The following HHIP variants were observed in gnomAD, a reference collection of about 807,000 sequenced individuals.
HHIP encodes hedgehog interacting protein.
HHIP carries 12 observed loss-of-function variants against 74.0 expected under a neutral mutation model. The observed-to-expected ratio is 0.16, with a 90% CI of 0.10 to 0.26. The LOEUF is 0.26. Among genes scored for constraint, HHIP ranks in the 10% least tolerant of loss-of-function variants. The probability of loss-of-function intolerance (pLI) is 1.00; values close to 1 mark genes in which losing one functional copy is unlikely to be tolerated. For missense variants in HHIP, 788 were observed against 845.0 expected (o/e 0.93, Z 0.84); for synonymous variants, 309 against 311.6 (o/e 0.99, Z 0.09).
In HHIP at chr4:144,737,813, C is replaced by A; in HGVS notation, c.1959C>A (p.Asn653Lys). The A allele has an allele frequency of 6.2e-7, 1 of 1,613,650 alleles. No individual in the cohort carries two copies. Among genetic ancestry groups the A allele is most frequent in the Non-Finnish European group, 8.5e-7 (1 of 1,179,688 alleles). Reference protein sequence around the residue: ...CRHGGVCVRPNKCLCKKGYLG... With the variant: ...CRHGGVCVRPKKCLCKKGYLG... ...ATGGAGGTGTCTGTGTTAGACCGAA[C>A]AAGTGCCTCTGTAAAAAAGGATATC... The change falls in exon 13 of 13, where the codon AAC becomes AAA. Residue 653 changes from asparagine (N) to lysine (K), a missense_variant. By Grantham distance (94) the Asn-to-Lys change is moderately conservative (BLOSUM62 0). Around this residue, in one of 3 missense-constraint regions of HHIP, gnomAD observed 343 missense variants for 347.9 expected, o/e 0.99. Coordinates refer to ENST00000296575, the MANE Select transcript of HHIP (RefSeq NM_022475.3).
At chr4:144,697,705 A>G in intron 4 of HHIP, among the ~76,000 whole-genome samples, 1 of 152,264 alleles carries the variant, frequency 6.6e-6, no homozygotes. Context: ...TAAATTTTAT[A>G]TAAAATAAAT....
At chr4:144,718,520 C>A (rs1402854055) in intron 10 of HHIP, among the ~76,000 whole-genome samples, 1 of 152,160 alleles carries the variant, frequency 6.6e-6, no homozygotes, top group Non-Finnish European at 1.5e-5. Flanking sequence ...TGTGATCCAA[C>A]GTACATGATC....
At chr4:144,708,556 C>T (rs1404342590) in intron 7 of HHIP, among the ~76,000 whole-genome samples, 1 of 152,164 alleles carries the variant, frequency 6.6e-6, no homozygotes, top group Non-Finnish European at 1.5e-5. Flanking sequence ...GAGAAAATTT[C>T]ACCTTAAAAT....
intron 11 of HHIP, among the ~76,000 whole-genome samples, chr4:144,729,360 G>A (rs945622693): frequency 4.6e-5 from 7 of 152,080 alleles, no homozygotes; most frequent in Non-Finnish European, 1.0e-4. Flanking sequence ...TCCTTGTTCA[G>A]GGCAAGGACT....
rs1196764112 is a variant in HHIP, at chr4:144,714,295, G to A, written c.1494G>A (p.Arg498=). The A allele has an allele frequency of 6.2e-7, 1 of 1,613,222 alleles. No individual in the cohort carries two copies. The highest frequency in any genetic ancestry group is 1.3e-5 in the African/African-American group (1 of 74,852). The part of the protein sequence containing the change: ...NGPLVGGFVY[R]GCQSERLYGS... ...CTTTGGTTGGTGGATTTGTATACCG[G>A]GGCTGCCAGTCAGAAAGATTGTATG... Residue 498 remains arginine (R), a synonymous_variant, in exon 9 of 13, where the codon CGG becomes CGA. Coordinates refer to ENST00000296575, the MANE Select transcript of HHIP (RefSeq NM_022475.3).
At chr4:144,719,084 T>C in intron 11 of HHIP, 128 bp downstream of exon 11, 1 of 656,844 alleles carries the variant, frequency 1.5e-6, no homozygotes, top group Admixed American at 2.7e-5. Context: ...CATTTCCATA[T>C]GCTTAGAGCT....
chr4:144,712,012 C>G lies in HHIP; in HGVS notation c.1364C>G (p.Ser455Cys), dbSNP rs775954375. ...NINLTILCSD[S>C]NGKNRSSARI... ...AATTTAACGATACTGTGTTCAGACT[C>G]CAATGGAAAAAACAGATCATCAGCC... The change falls in exon 8 of 13, where the codon TCC (serine) becomes TGC (cysteine). Residue 455 changes from serine to cysteine, a missense_variant. By Grantham distance (112) the Ser-to-Cys change is moderately radical. Transcript: ENST00000296575. 1.2e-6 allele frequency: 2 copies of G among 1,610,828 alleles called. No homozygotes were observed. Among genetic ancestry groups the G allele is most frequent in the Admixed American group, 3.3e-5 (2 of 59,970 alleles).
chr4:144,716,244 A>C (rs1730442010), intron 10 of HHIP, among the ~76,000 whole-genome samples: 1 of 152,168 alleles, frequency 6.6e-6, no homozygotes, highest in African/African-American at 2.4e-5. Flanking sequence ...TTTTCTCTAA[A>C]ACTTCAGATT....
chr4:144,740,892 T>C lies in HHIP; in HGVS notation c.*2935T>C, dbSNP rs1731247181. The C allele has an allele frequency of 6.6e-6, 1 of 152,234 alleles. No individual in the cohort carries two copies. Among genetic ancestry groups the C allele is most frequent in the Admixed American group, 6.5e-5 (1 of 15,286 alleles). 9.4% of individuals were successfully genotyped at this position (152,234 alleles called of 1,614,324 possible). On this transcript the variant is annotated 3_prime_UTR_variant, in exon 13 of 13. Coordinates refer to ENST00000296575, the MANE Select transcript of HHIP (RefSeq NM_022475.3). The stretch of plus-strand genomic sequence containing the variant: ...GTTTAAGCTGCGGTTGTCAGTTGAA[T>C]GTGAAATGATGTTATAGTTGTTTTA...
chr4:144,726,830 C>T (rs1377361459), intron 11 of HHIP, among the ~76,000 whole-genome samples: 1 of 152,154 alleles, frequency 6.6e-6, no homozygotes, highest in Non-Finnish European at 1.5e-5. Context: ...TCGATGCATC[C>T]CACAGTCTTC....
intron 2 of HHIP, among the ~76,000 whole-genome samples, chr4:144,653,084 G>A (rs966784323): frequency 2.0e-5 from 3 of 152,002 alleles, no homozygotes; most frequent in South Asian, 2.1e-4. Context: ...CTTTACACAC[G>A]TTGGATTCTC....
intron 6 of HHIP, among the ~76,000 whole-genome samples, 194 bp from the exon 7 acceptor site, chr4:144,707,974 A>G: frequency 6.6e-6 from 1 of 152,122 alleles, no homozygotes; most frequent in East Asian, 1.9e-4. Context: ...AACTCTTGGC[A>G]TTAAACAATC....
In HHIP at chr4:144,686,434, C is replaced by T. The variant is rs1336940114; in HGVS notation, c.832-20097C>T. On this transcript the variant is annotated intron_variant, in intron 4 of 12. Transcript: ENST00000296575. ...GGGTTAAAATACAGTAGTTAGTTAT[C>T]GATGATCCTGAGTACTATTAAATCA... Among the ~76,000 whole-genome samples the T allele has an allele frequency of 8.6e-5, 13 of 152,026 alleles. No individual in the cohort carries two copies. In the East Asian group the frequency reaches 1.3e-3, roughly 16 times the overall value.
At chr4:144,694,334 GT>G (rs199885401) in intron 4 of HHIP, among the ~76,000 whole-genome samples, 13 of 146,098 alleles carry the variant, frequency 8.9e-5, no homozygotes, top group South Asian at 4.4e-4. Context: ...AACTATTGGG[GT>G]TTTTTTTTTC....
At chr4:144,653,230 A>G (rs1560692896) in intron 2 of HHIP, among the ~76,000 whole-genome samples, 1 of 152,168 alleles carries the variant, frequency 6.6e-6, no homozygotes, top group Non-Finnish European at 1.5e-5. Flanking sequence ...CTTAAACAAA[A>G]TATGATTAGG....
chr4:144,672,989 G>A (rs2126609439), intron 4 of HHIP, among the ~76,000 whole-genome samples: 1 of 152,274 alleles, frequency 6.6e-6, no homozygotes, highest in African/African-American at 2.4e-5. Flanking sequence ...GAGCTACAGG[G>A]CCTGGCTCCG....
At chr4:144,686,158 C>A (rs1360076289) in intron 4 of HHIP, among the ~76,000 whole-genome samples, 1 of 152,122 alleles carries the variant, frequency 6.6e-6, no homozygotes, top group Non-Finnish European at 1.5e-5. Flanking sequence ...CTTGGTTTAG[C>A]CTTGAGTAGC....
intron 4 of HHIP, among the ~76,000 whole-genome samples, chr4:144,688,202 T>C (rs748882203): frequency 1.3e-5 from 2 of 152,100 alleles, no homozygotes; most frequent in Non-Finnish European, 2.9e-5. Context: ...ACACAGACCA[T>C]GTTCCCACCC....
chr4:144,717,353 C>A (rs1019541291), intron 10 of HHIP, among the ~76,000 whole-genome samples: 6 of 152,030 alleles, frequency 3.9e-5, no homozygotes, highest in Non-Finnish European at 8.8e-5. Context: ...AATATTAATT[C>A]TTTTGCTTAC....
Sources: gnomAD v4.1 joint callset for allele counts (sites outside exome capture counted in the v4.1 genomes callset) on GRCh38, gnomAD v4.1.1 for gene constraint, gnomAD v4.1.1 regional missense constraint, MANE v1.5 for transcripts, NCBI Gene and HGNC (gene_info 2026-07-23, HGNC 2026-07-21) for gene names.